The following SNX18 variants were observed in gnomAD, a reference collection of about 807,000 sequenced individuals.
The protein encoded by SNX18 is sorting nexin 18.
In SNX18, 35 loss-of-function variants were observed where a neutral mutation model predicts 48.7. That is an observed-to-expected ratio of 0.72 (90% CI 0.55 to 0.95). SNX18 has a LOEUF of 0.95. Ranked by LOEUF, SNX18 falls within the 40% of genes least tolerant of loss-of-function variation. The pLI, the probability that SNX18 is intolerant of heterozygous loss-of-function variation, is 0.00. For missense variants in SNX18, 824 were observed against 871.0 expected (o/e 0.95, Z 0.68); for synonymous variants, 492 against 384.7 (o/e 1.28, Z -3.26).
the SNX18 span, among the ~76,000 whole-genome samples, chr5:54,612,860 A>G: frequency 2.0e-5 from 3 of 152,164 alleles, no homozygotes; most frequent in African/African-American, 7.2e-5. Flanking sequence ...CCCAACCAGC[A>G]TCACTCAACC....
At chr5:54,583,728 G>T in the SNX18 span, among the ~76,000 whole-genome samples, 3 of 152,216 alleles carry the variant, frequency 2.0e-5, no homozygotes, top group Non-Finnish European at 4.4e-5. Flanking sequence ...CCCCAGCTGG[G>T]TATGTAAGTA....
chr5:54,549,089 A>G (rs1443622858), downstream of SNX18, among the ~76,000 whole-genome samples: 1 of 152,142 alleles, frequency 6.6e-6, no homozygotes, highest in Non-Finnish European at 1.5e-5. Context: ...TCAATCGTCC[A>G]TTGGTTGGAT....
the SNX18 span, among the ~76,000 whole-genome samples, chr5:54,638,041 G>A: frequency 6.6e-6 from 1 of 151,944 alleles, no homozygotes; most frequent in African/African-American, 2.4e-5. Flanking sequence ...CAAAATCTCT[G>A]TACAAAACTC....
chr5:54,564,338 CAAAT>C, the SNX18 span, among the ~76,000 whole-genome samples: 2 of 151,920 alleles, frequency 1.3e-5, no homozygotes, highest in Non-Finnish European at 2.9e-5. Context: ...AATATTTCTC[CAAAT>C]AAATACAGCC....
the SNX18 span, among the ~76,000 whole-genome samples, chr5:54,594,970 C>T: frequency 2.0e-5 from 3 of 152,154 alleles, no homozygotes; most frequent in Admixed American, 2.0e-4. Flanking sequence ...ATAATGGCCT[C>T]CAGATGCATC....
At chr5:54,605,711 G>C in the SNX18 span, among the ~76,000 whole-genome samples, 5 of 152,118 alleles carry the variant, frequency 3.3e-5, no homozygotes, top group Admixed American at 2.6e-4. Context: ...CCAGGCTGGA[G>C]TGCAGTGGCA....
chr5:54,523,261 G>A (rs1762066027), intron 1 of SNX18, among the ~76,000 whole-genome samples: 1 of 145,326 alleles, frequency 6.9e-6, no homozygotes, highest in African/African-American at 2.7e-5. Flanking sequence ...AGTTTGGGTA[G>A]TACTGAGGAA....
At chr5:54,563,244 A>T in the SNX18 span, among the ~76,000 whole-genome samples, 1 of 152,230 alleles carries the variant, frequency 6.6e-6, no homozygotes, top group East Asian at 1.9e-4. Context: ...ACCATGGTGT[A>T]CAGTAATGTC....
At chr5:54,620,769 C>T in the SNX18 span, among the ~76,000 whole-genome samples, 1 of 152,302 alleles carries the variant, frequency 6.6e-6, no homozygotes, top group South Asian at 2.1e-4. Context: ...AGTCCAAGAT[C>T]AAGGAGTTGG....
the SNX18 span, among the ~76,000 whole-genome samples, chr5:54,555,515 C>G: frequency 1.3e-5 from 2 of 152,018 alleles, no homozygotes; most frequent in African/African-American, 4.8e-5. Context: ...TGGCTAATGC[C>G]TGGCATATCT....
At chr5:54,605,023 A>G in the SNX18 span, among the ~76,000 whole-genome samples, 2 of 152,198 alleles carry the variant, frequency 1.3e-5, no homozygotes, top group Non-Finnish European at 2.9e-5. Context: ...TTGGAGGAAC[A>G]GAAAGGAGAC....
At chr5:54,625,673 G>A in the SNX18 span, among the ~76,000 whole-genome samples, 2 of 151,954 alleles carry the variant, frequency 1.3e-5, no homozygotes, top group African/African-American at 2.4e-5. Context: ...AGTACACAAG[G>A]GCATGGAGAC....
chr5:54,565,107 A>G, the SNX18 span, among the ~76,000 whole-genome samples: 1 of 152,172 alleles, frequency 6.6e-6, no homozygotes, highest in Non-Finnish European at 1.5e-5. Flanking sequence ...ATTTGGGTCT[A>G]CCTGGATAAT....
rs1253429166 is a variant in SNX18, at chr5:54,545,159, C to G, written c.*1727C>G. 1.3e-5 allele frequency: 2 copies of G among 152,224 alleles called. 1 individual carries two copies. Among genetic ancestry groups the G allele is most frequent in the South Asian group, 4.1e-4 (2 of 4,822 alleles). The allele number at this position is 152,224 out of a possible 1,614,324, so 9.4% of individuals were successfully genotyped here. ...TTAGAGCCAGATTTAACATCATGAA[C>G]ATTATGTGGCTTTGTCTTTACTACA... On this transcript the variant is annotated 3_prime_UTR_variant, in exon 2 of 2. Coordinates refer to ENST00000381410, the MANE Select transcript of SNX18 (RefSeq NM_001102575.2).
At chr5:54,550,090 CTG>C (rs1762628397), downstream of SNX18, among the ~76,000 whole-genome samples, 1 of 152,320 alleles carries the variant, frequency 6.6e-6, no homozygotes, top group Non-Finnish European at 1.5e-5. Flanking sequence ...TGTTCAGAAT[CTG>C]TATTTTTAGT....
At chr5:54,559,752 G>C in the SNX18 span, among the ~76,000 whole-genome samples, 97 of 152,096 alleles carry the variant, frequency 6.4e-4, no homozygotes, top group African/African-American at 2.2e-3. Context: ...TACAGCAAAA[G>C]AATCAACAGA....
At chr5:54,647,988 G>A in the SNX18 span, among the ~76,000 whole-genome samples, 3 of 150,936 alleles carry the variant, frequency 2.0e-5, no homozygotes, top group African/African-American at 7.3e-5. Context: ...TGGGTTCTTG[G>A]TCTCACTGAC....
the SNX18 span, among the ~76,000 whole-genome samples, chr5:54,591,814 C>G: frequency 1.3e-5 from 2 of 152,180 alleles, no homozygotes; most frequent in Non-Finnish European, 2.9e-5. Context: ...GCAAAGAATC[C>G]TGGATCATTG....
chr5:54,621,713 G>C, the SNX18 span, among the ~76,000 whole-genome samples: 1 of 152,138 alleles, frequency 6.6e-6, no homozygotes, highest in Non-Finnish European at 1.5e-5. Flanking sequence ...ATCAGAGAAG[G>C]GTTAAAGATA....
Sources: gnomAD v4.1 joint callset for allele counts (sites outside exome capture counted in the v4.1 genomes callset) on GRCh38, gnomAD v4.1.1 for gene constraint, MANE v1.5 for transcripts, NCBI Gene and HGNC (gene_info 2026-07-23, HGNC 2026-07-21) for gene names.